The following GCM1 variants were observed in gnomAD, a reference collection of about 807,000 sequenced individuals.
GCM1 encodes chorion-specific transcription factor GCMa.
GCM1 carries 2 observed loss-of-function variants against 25.7 expected under a neutral mutation model. That is an observed-to-expected ratio of 0.08 (90% CI 0.03 to 0.24). The LOEUF (loss-of-function observed/expected upper bound fraction) is 0.24. Ranked by LOEUF, GCM1 falls within the 10% of genes least tolerant of loss-of-function variation. The pLI is 1.00. For missense variants in GCM1, 395 were observed against 538.7 expected (o/e 0.73, Z 2.64); for synonymous variants, 183 against 195.7 (o/e 0.94, Z 0.54).
intron 2 of GCM1, among the ~76,000 whole-genome samples, chr6:53,137,935 A>C (rs1008591184): frequency 6.6e-6 from 1 of 152,112 alleles, no homozygotes; most frequent in Admixed American, 6.6e-5. Context: ...TCATCCTTTA[A>C]GCTTTTTTCT....
At chr6:53,145,005 A>G (rs1763934497) in intron 2 of GCM1, among the ~76,000 whole-genome samples, 1 of 151,868 alleles carries the variant, frequency 6.6e-6, no homozygotes, top group African/African-American at 2.4e-5. Context: ...AAAGAAAGAA[A>G]AAAAGAAAGA....
intron 3 of GCM1, among the ~76,000 whole-genome samples, chr6:53,132,833 G>T (rs1763744614): frequency 6.6e-6 from 1 of 152,164 alleles, no homozygotes; most frequent in East Asian, 1.9e-4. Flanking sequence ...CTGATACCAG[G>T]TCCTGACCTA....
At chr6:53,147,430 T>C (rs1353381554) in intron 1 of GCM1, among the ~76,000 whole-genome samples, 1 of 142,618 alleles carries the variant, frequency 7.0e-6, no homozygotes, top group South Asian at 2.2e-4. Flanking sequence ...TTATTGTTTT[T>C]TTTTTTTTTT....
At chr6:53,148,083 G>A (rs1469874552) in intron 1 of GCM1, among the ~76,000 whole-genome samples, 1 of 152,158 alleles carries the variant, frequency 6.6e-6, no homozygotes, top group East Asian at 1.9e-4. Flanking sequence ...AATCCTCATG[G>A]ATTTTAAGTA....
At chr6:53,133,652 C>T (rs887262588) in intron 3 of GCM1, among the ~76,000 whole-genome samples, 2 of 152,016 alleles carry the variant, frequency 1.3e-5, no homozygotes, top group Non-Finnish European at 2.9e-5. Context: ...CAACCACACC[C>T]GACTAATTTT....
At chr6:53,146,622 T>C (rs189579000) in intron 1 of GCM1, among the ~76,000 whole-genome samples, 32 of 152,340 alleles carry the variant, frequency 2.1e-4, no homozygotes, top group African/African-American at 6.7e-4. Context: ...TATCAACTAA[T>C]ATGCTTATAT....
At chr6:53,145,424 G>A in intron 2 of GCM1, 134 bp downstream of exon 2, 1 of 689,798 alleles carries the variant, frequency 1.4e-6, no homozygotes, top group South Asian at 1.6e-5. Context: ...TCAGTCGGCT[G>A]TCTAGCTGAA....
chr6:53,142,951 G>A (rs1361242016), intron 2 of GCM1, among the ~76,000 whole-genome samples: 1 of 140,978 alleles, frequency 7.1e-6, no homozygotes, highest in Non-Finnish European at 1.5e-5. Context: ...TCCAAGTCCT[G>A]TACTTTTCAT....
At chr6:53,135,574 C>A (rs1300509520) in intron 2 of GCM1, among the ~76,000 whole-genome samples, 1 of 152,226 alleles carries the variant, frequency 6.6e-6, no homozygotes, top group African/African-American at 2.4e-5. Flanking sequence ...CTGCATTTGA[C>A]AGACCCTTCC....
chr6:53,147,208 G>GA (rs912712918), intron 1 of GCM1, among the ~76,000 whole-genome samples: 1 of 151,918 alleles, frequency 6.6e-6, no homozygotes, highest in South Asian at 2.1e-4. Context: ...CTACCCTGAG[G>GA]AAAAAAATGA....
chr6:53,143,583 G>T lies in GCM1; in HGVS notation c.75+1975C>A, dbSNP rs569581714. 2.0e-5 allele frequency among the ~76,000 whole-genome samples: 3 copies of T among 152,238 alleles called. No homozygotes were observed. In the East Asian group the frequency reaches 5.8e-4, roughly 29 times the overall value. On this transcript the variant is annotated intron_variant, in intron 2 of 5. Coordinates refer to ENST00000259803, the MANE Select transcript of GCM1 (RefSeq NM_003643.4). ...GTTGCAATCATGAAGTTAGAAAAAG[G>T]TGAAAATATGGGTCCTGGAGCCAAG... is the stretch of plus-strand genomic sequence containing the variant.
rs778207915 is a variant in GCM1, at chr6:53,128,700, T to G, written c.817A>C (p.Thr273Pro). ...YEKRKLSSSR[T>P]YSSGDLLPPS... Reference sequence around the variant, plus strand: ...GGAAGCAGGTCTCCACTACTGTAGGTTCTGCTACTGGACAATTTGCGCTTT... The same window carrying G: ...GGAAGCAGGTCTCCACTACTGTAGGGTCTGCTACTGGACAATTTGCGCTTT... The change falls in exon 6 of 6, where the codon ACC becomes CCC. Residue 273 changes from threonine to proline, a missense_variant. By Grantham distance (38) the Thr-to-Pro change is conservative. Around this residue, in one of 5 missense-constraint regions of GCM1, gnomAD observed 291 missense variants for 314.6 expected, o/e 0.92. Coordinates refer to ENST00000259803, the MANE Select transcript of GCM1 (RefSeq NM_003643.4). 3 of 1,614,116 alleles carry G rather than the reference T, an allele frequency of 1.9e-6. No homozygotes were observed. The highest frequency in any genetic ancestry group is 4.5e-5 in the East Asian group (2 of 44,884).
chr6:53,146,717 C>T (rs1272368083), intron 1 of GCM1, among the ~76,000 whole-genome samples: 1 of 152,076 alleles, frequency 6.6e-6, no homozygotes, highest in Non-Finnish European at 1.5e-5. Flanking sequence ...GAGCTTTTTT[C>T]ATGTTGTAGA....
Position 53,128,549 on chromosome 6 carries a change from C to A in GCM1, c.968G>T (p.Trp323Leu). The part of the protein sequence containing the change: ...YSNYPFPLTS[W>L]PCSFSPSQNS... The stretch of plus-strand genomic sequence containing the variant: ...TTGGGAAGGAGAGAAGCTGCAAGGC[C>A]AGCTGGTCAGAGGAAAAGGATAATT... Residue 323 changes from tryptophan (W) to leucine (L), a missense_variant, in exon 6 of 6, where the codon TGG becomes TTG. Coordinates refer to ENST00000259803, the MANE Select transcript of GCM1 (RefSeq NM_003643.4). 6.2e-7 allele frequency: 1 copy of A among 1,614,064 alleles called. No homozygotes were observed. The highest frequency in any genetic ancestry group is 8.5e-7 in the Non-Finnish European group (1 of 1,179,980).
chr6:53,148,709 A>G (rs1238299255), intron 1 of GCM1, 45 bp downstream of exon 1: 1 of 152,220 alleles, frequency 6.6e-6, no homozygotes, highest in Non-Finnish European at 1.5e-5. Flanking sequence ...GGTCGTTGCC[A>G]CATCCCTTAC....
chr6:53,141,726 G>A (rs913996522), intron 2 of GCM1, among the ~76,000 whole-genome samples: 8 of 151,512 alleles, frequency 5.3e-5, no homozygotes, highest in African/African-American at 1.9e-4. Context: ...CTTGAAGCCC[G>A]GGTGCAATGG....
At chr6:53,141,768 C>T (rs953103111) in intron 2 of GCM1, among the ~76,000 whole-genome samples, 4 of 151,076 alleles carry the variant, frequency 2.6e-5, no homozygotes, top group African/African-American at 4.9e-5. Flanking sequence ...TTTTGGGAGG[C>T]CAAGGTGGGC....
chr6:53,145,509 A>G (rs1763941841), intron 2 of GCM1, 49 bp downstream of exon 2: 4 of 955,320 alleles, frequency 4.2e-6, no homozygotes, highest in African/African-American at 1.6e-5. Context: ...TTAATAGTCA[A>G]GACTTCACAG....
At chr6:53,138,883 A>T (rs1433221414) in intron 2 of GCM1, among the ~76,000 whole-genome samples, 1 of 152,234 alleles carries the variant, frequency 6.6e-6, no homozygotes, top group Non-Finnish European at 1.5e-5. Context: ...AACACCCTTC[A>T]TACTCACCTC....
Sources: gnomAD v4.1 joint callset for allele counts (sites outside exome capture counted in the v4.1 genomes callset) on GRCh38, gnomAD v4.1.1 for gene constraint, gnomAD v4.1.1 regional missense constraint, MANE v1.5 for transcripts, NCBI Gene and HGNC (gene_info 2026-07-23, HGNC 2026-07-21) for gene names.